The following CNOT6L variants were observed in gnomAD, a reference collection of about 807,000 sequenced individuals.
The protein encoded by CNOT6L is CCR4-NOT transcription complex subunit 6 like.
A neutral mutation model predicts 64.0 loss-of-function variants in CNOT6L; 7 were observed. That is an observed-to-expected ratio of 0.11 (90% confidence interval 0.06 to 0.21). The LOEUF (loss-of-function observed/expected upper bound fraction) is 0.21, where lower values mean the gene tolerates loss of function less well. CNOT6L is among the 10% of genes least tolerant of loss of function. The pLI is 1.00. For synonymous variants in CNOT6L, 193 were observed against 243.4 expected, an observed-to-expected ratio of 0.79 and a Z score of 1.93; for missense variants, 245 against 669.0, an observed-to-expected ratio of 0.37 and a Z score of 6.99.
chr4:77,779,246 T>C (rs1225475746), intron 1 of CNOT6L, among the ~76,000 whole-genome samples: 1 of 152,044 alleles, frequency 6.6e-6, no homozygotes, highest in Non-Finnish European at 1.5e-5. Context: ...ATTTGTGGAA[T>C]GATCAATGAT....
intron 1 of CNOT6L, among the ~76,000 whole-genome samples, chr4:77,780,871 AG>A (rs1450902695): frequency 6.6e-6 from 1 of 152,154 alleles, no homozygotes; most frequent in Non-Finnish European, 1.5e-5. Context: ...GCTGAGGTGG[AG>A]GGATCGCTTG....
intron 2 of CNOT6L, among the ~76,000 whole-genome samples, chr4:77,775,381 C>T (rs536452387): frequency 7.2e-5 from 11 of 152,114 alleles, no homozygotes; most frequent in Admixed American, 1.3e-4. Context: ...TGTATTATAC[C>T]AATTCATAAA....
At chr4:77,796,447 G>A (rs1403570861) in intron 1 of CNOT6L, among the ~76,000 whole-genome samples, 1 of 151,858 alleles carries the variant, frequency 6.6e-6, no homozygotes, top group East Asian at 1.9e-4. Context: ...GCTTGAAGGG[G>A]ATGTGTGGCA....
intron 5 of CNOT6L, among the ~76,000 whole-genome samples, chr4:77,749,831 A>C (rs1171111793): frequency 6.6e-6 from 1 of 152,206 alleles, no homozygotes; most frequent in African/African-American, 2.4e-5. Flanking sequence ...CTTGAGAACA[A>C]ACTGGCATCT....
At chr4:77,741,990 G>A (rs1214249053) in intron 8 of CNOT6L, 151 bp downstream of exon 8, 5 of 663,588 alleles carry the variant, frequency 7.5e-6, no homozygotes, top group Non-Finnish European at 1.3e-5. Context: ...TACACAGCCT[G>A]AGAAATGAAA....
At chr4:77,810,584 C>T (rs181130605) in intron 1 of CNOT6L, among the ~76,000 whole-genome samples, 2 of 152,086 alleles carry the variant, frequency 1.3e-5, no homozygotes, top group Non-Finnish European at 2.9e-5. Context: ...CAATGTGTAG[C>T]GATCAGATCA....
At chr4:77,743,586 C>CTTTTTTTTTTTTT (rs142888128) in intron 7 of CNOT6L, among the ~76,000 whole-genome samples, 1 of 70,872 alleles carries the variant, frequency 1.4e-5, no homozygotes, top group African/African-American at 6.8e-5. Flanking sequence ...TAACACACAA[C>CTTTTTTTTTTTTT]TTTTTTTTTT....
intron 1 of CNOT6L, among the ~76,000 whole-genome samples, chr4:77,789,389 T>C (rs1045304496): frequency 6.6e-6 from 1 of 152,064 alleles, no homozygotes; most frequent in African/African-American, 2.4e-5. Context: ...AAGGACCTTT[T>C]AGCCAAAGGG....
chr4:77,755,113 T>C (rs1436287846), intron 5 of CNOT6L, among the ~76,000 whole-genome samples: 1 of 149,652 alleles, frequency 6.7e-6, no homozygotes, highest in Non-Finnish European at 1.5e-5. Context: ...ATTTGCAACA[T>C]ATTACCAAAA....
Position 77,803,889 on chromosome 4 carries a change from C to T in CNOT6L, c.5+15415G>A, listed in dbSNP as rs576253216. Among the ~76,000 whole-genome samples, 8 of 151,276 alleles carry T rather than the reference C, an allele frequency of 5.3e-5. No individual in the cohort carries two copies. The South Asian group carries it at 1.5e-3, about 28-fold the overall frequency. On this transcript the variant is annotated intron_variant, in intron 1 of 11. Coordinates refer to ENST00000504123, the MANE Select transcript of CNOT6L (RefSeq NM_144571.3). ...TTGCACTCCAGCCTGTCAACAAGAG[C>T]GAAATTCCGTCTCAAAAAAAAAAGA...
chr4:77,772,719 G>A (rs1410936195), intron 4 of CNOT6L, among the ~76,000 whole-genome samples: 2 of 151,978 alleles, frequency 1.3e-5, no homozygotes, highest in African/African-American at 4.8e-5. Flanking sequence ...TCAGGAGATC[G>A]AGACCATCCT....
chr4:77,738,481 C>T (rs1040157275), intron 8 of CNOT6L, among the ~76,000 whole-genome samples: 4 of 152,096 alleles, frequency 2.6e-5, no homozygotes, highest in African/African-American at 7.2e-5. Flanking sequence ...CGGCCAGGCG[C>T]GGTTGCTCAC....
intron 4 of CNOT6L, among the ~76,000 whole-genome samples, chr4:77,762,983 TA>T (rs533919086): frequency 1.3e-5 from 2 of 152,040 alleles, no homozygotes; most frequent in African/African-American, 2.4e-5. Context: ...AAGTAATCTT[TA>T]AAAAAATATA....
At position 77,726,337 on chromosome 4, in the gene CNOT6L, C is replaced by A. The variant is rs1721846024; in HGVS notation, c.1285G>T (p.Ala429Ser). 6.2e-7 allele frequency: 1 copy of A among 1,613,398 alleles called. No homozygotes were observed. The highest frequency in any genetic ancestry group is 8.5e-7 in the Non-Finnish European group (1 of 1,179,588). Residue 429 changes from alanine to serine, a missense_variant, in exon 11 of 12, where the codon GCT becomes TCT. Transcript: ENST00000504123. ...TCCTTGAAGTCTTTATGGTTGTCAG[C>A]TACTCCTCCATTGCTTAAGTATTCC... ...VVEYLSNGGVADNHKDFKELR... is the reference protein window; with the variant it reads ...VVEYLSNGGVSDNHKDFKELR...
chr4:77,819,509 AG>A, upstream of CNOT6L: 1 of 1,040,518 alleles, frequency 9.6e-7, no homozygotes, highest in Non-Finnish European at 1.3e-6. Flanking sequence ...GGCGGCACAC[AG>A]GGCCCGTAAC....
intron 8 of CNOT6L, among the ~76,000 whole-genome samples, chr4:77,734,943 C>T (rs1230804068): frequency 6.6e-6 from 1 of 152,084 alleles, no homozygotes. Context: ...TATTGAGGAT[C>T]TATCCAGTCT....
intron 1 of CNOT6L, among the ~76,000 whole-genome samples, chr4:77,790,132 G>A (rs1036020418): frequency 2.0e-5 from 3 of 151,814 alleles, no homozygotes; most frequent in African/African-American, 7.3e-5. Context: ...GCCTTTTCCC[G>A]AGTGTCATTT....
intron 6 of CNOT6L, 67 bp downstream of exon 6, chr4:77,748,249 A>C: frequency 9.4e-7 from 1 of 1,062,242 alleles, no homozygotes; most frequent in South Asian, 1.3e-5. Context: ...TTTATTACAG[A>C]TCATGAAGCC....
chr4:77,768,869 T>C (rs1286368965), intron 4 of CNOT6L, among the ~76,000 whole-genome samples: 1 of 152,150 alleles, frequency 6.6e-6, no homozygotes, highest in African/African-American at 2.4e-5. Flanking sequence ...TACAACCACT[T>C]TGTAAAACAT....
Sources: allele counts gnomAD v4.1 joint callset (sites outside exome capture counted in the v4.1 genomes callset), GRCh38; gene constraint gnomAD v4.1.1; transcripts MANE v1.5; gene names NCBI Gene and HGNC (gene_info 2026-07-23, HGNC 2026-07-21).